Variants in EYS observed in about 807,000 individuals in gnomAD.
The protein encoded by EYS is EGF-like photoreceptor maintenance factor.
Under a neutral mutation model 282.1 loss-of-function variants are expected in EYS, and 250 were observed. The observed-to-expected ratio is 0.89, with a 90% CI of 0.80 to 0.98. The LOEUF is 0.98. Ranked by LOEUF, EYS falls within the 50% of genes least tolerant of loss-of-function variation. The pLI is 0.00. For missense variants in EYS, 4,016 were observed against 3,709.0 expected (o/e 1.08, Z -2.15); for synonymous variants, 1,355 against 1,282.9 (o/e 1.06, Z -1.20).
rs1016167896 is a variant in EYS at position 64,009,561 on chromosome 6, A to G, written c.6726-10378T>C. Among the ~76,000 whole-genome samples the G allele has an allele frequency of 2.0e-5, 3 of 152,238 alleles. No homozygotes were observed. In the East Asian group the frequency reaches 5.8e-4, roughly 29 times the overall value. ...GGCCTCCGAAAGTGCTGGGATTACA[A>G]GCGCGAGCCACTTCTCCCGGCCAGC... On this transcript the variant is annotated intron_variant, in intron 33 of 42. Coordinates refer to ENST00000503581, the MANE Select transcript of EYS (RefSeq NM_001142800.2).
At chr6:63,833,428 C>T (rs1025629587) in intron 36 of EYS, among the ~76,000 whole-genome samples, 1 of 149,682 alleles carries the variant, frequency 6.7e-6, no homozygotes, top group East Asian at 2.0e-4. Flanking sequence ...CAATAAGAAA[C>T]AGCCAAATCA....
At chr6:65,334,799 A>G in intron 11 of EYS, 181 bp downstream of exon 11, 1 of 574,066 alleles carries the variant, frequency 1.7e-6, no homozygotes, top group East Asian at 2.9e-5. Context: ...ATTGTTATAC[A>G]TAACATGTAT....
At chr6:65,008,860 C>G (rs1252580792) in intron 13 of EYS, among the ~76,000 whole-genome samples, 2 of 152,180 alleles carry the variant, frequency 1.3e-5, no homozygotes, top group Admixed American at 6.5e-5. Context: ...CAGTCTTACT[C>G]TCCTGTCTTG....
At chr6:63,851,926 G>T (rs1279513322) in intron 36 of EYS, among the ~76,000 whole-genome samples, 2 of 152,228 alleles carry the variant, frequency 1.3e-5, no homozygotes, top group African/African-American at 4.8e-5. Context: ...GGGAGGCCGA[G>T]GCGGGCAGAT....
chr6:65,214,969 G>GA (rs1766274794), intron 12 of EYS, among the ~76,000 whole-genome samples: 1 of 151,842 alleles, frequency 6.6e-6, no homozygotes, highest in Admixed American at 6.6e-5. Flanking sequence ...CTGCTGGTGA[G>GA]AAAAAAAGAC....
chr6:65,186,631 T>G (rs1315371121), intron 12 of EYS, among the ~76,000 whole-genome samples: 2 of 151,806 alleles, frequency 1.3e-5, no homozygotes, highest in African/African-American at 4.8e-5. Flanking sequence ...CTAAGAATTA[T>G]GGATCATTTC....
At chr6:64,192,456 C>G (rs970686776) in intron 31 of EYS, among the ~76,000 whole-genome samples, 1 of 152,144 alleles carries the variant, frequency 6.6e-6, no homozygotes, top group Non-Finnish European at 1.5e-5. Flanking sequence ...GTAACCAAAA[C>G]AGCATGGTAC....
intron 26 of EYS, among the ~76,000 whole-genome samples, chr6:64,444,745 T>G (rs1326435644): frequency 1.3e-5 from 2 of 152,194 alleles, no homozygotes; most frequent in Non-Finnish European, 2.9e-5. Context: ...TGGAAGGTGT[T>G]TGGATCACTA....
At position 63,721,470 on chromosome 6, in the gene EYS, T is replaced by G. The variant is rs1768387393; in HGVS notation, c.8561A>C (p.Asn2854Thr). 6.4e-7 allele frequency: 1 copy of G among 1,551,468 alleles called. No individual in the cohort carries two copies. Among genetic ancestry groups the G allele is most frequent in the African/African-American group, 1.4e-5 (1 of 73,046 alleles). ...TTCAGTTAATTGTAATTCTTGATTA[T>G]TTATGATAACTTGTCGGATACAGCC... is the stretch of plus-strand genomic sequence containing the variant. ...FQGCIRQVIINNQELQLTEFG... is the reference protein window; with the variant it reads ...FQGCIRQVIITNQELQLTEFG... The change falls in exon 43 of 43, where the codon AAT becomes ACT. Residue 2854 changes from asparagine to threonine, a missense_variant. By Grantham distance (65) the Asn-to-Thr change is moderately conservative. Transcript: ENST00000503581.
chr6:65,541,993 G>A (rs1383697843), intron 2 of EYS, among the ~76,000 whole-genome samples: 2 of 152,104 alleles, frequency 1.3e-5, no homozygotes, highest in Non-Finnish European at 2.9e-5. Flanking sequence ...TTCTAGCATG[G>A]TTGGAAAGCT....
intron 31 of EYS, among the ~76,000 whole-genome samples, chr6:64,087,575 C>T (rs1000698855): frequency 5.3e-5 from 8 of 152,082 alleles, no homozygotes; most frequent in African/African-American, 1.9e-4. Flanking sequence ...CACCTTTGAT[C>T]CCCCTATGGC....
intron 28 of EYS, among the ~76,000 whole-genome samples, chr6:64,394,750 G>C (rs1445819235): frequency 1.3e-5 from 2 of 151,958 alleles, no homozygotes; most frequent in Non-Finnish European, 2.9e-5. Context: ...AACACCAAAA[G>C]CAATGGCAAC....
intron 22 of EYS, among the ~76,000 whole-genome samples, chr6:64,627,851 G>T (rs1427771087): frequency 6.6e-6 from 1 of 152,124 alleles, no homozygotes. Flanking sequence ...AGACCGAGGC[G>T]GGTGGATCAT....
At chr6:64,249,063 C>CCAAAAAAAAAAAAAAAAAAA (rs556152806) in intron 30 of EYS, among the ~76,000 whole-genome samples, 3 of 70,060 alleles carry the variant, frequency 4.3e-5, no homozygotes, top group African/African-American at 2.1e-4. Flanking sequence ...CACCCTGTCT[C>CCAAAAAAAAAAAAAAAAAAA]AAAAAAAAAA....
At chr6:65,065,529 C>A (rs1165163049) in intron 12 of EYS, among the ~76,000 whole-genome samples, 1 of 151,306 alleles carries the variant, frequency 6.6e-6, no homozygotes, top group Non-Finnish European at 1.5e-5. Context: ...ACTACAGGTG[C>A]CCACCACCAC....
At chr6:63,727,093 AT>A (rs1354340050) in intron 41 of EYS, among the ~76,000 whole-genome samples, 3 of 152,132 alleles carry the variant, frequency 2.0e-5, no homozygotes, top group African/African-American at 7.2e-5. Flanking sequence ...CAGCCTCTAT[AT>A]TTCTGATTCA....
chr6:65,165,805 T>A (rs1764958810), intron 12 of EYS, among the ~76,000 whole-genome samples: 1 of 151,064 alleles, frequency 6.6e-6, no homozygotes, highest in East Asian at 2.0e-4. Context: ...TATGACACAA[T>A]TTTCCATATA....
chr6:64,648,450 T>C (rs1359908496), intron 22 of EYS, among the ~76,000 whole-genome samples: 1 of 152,228 alleles, frequency 6.6e-6, no homozygotes, highest in East Asian at 1.9e-4. Flanking sequence ...GAGAGTGTCA[T>C]AGACATAACT....
intron 12 of EYS, among the ~76,000 whole-genome samples, chr6:65,210,356 G>C (rs527423651): frequency 6.6e-6 from 1 of 152,028 alleles, no homozygotes; most frequent in East Asian, 1.9e-4. Flanking sequence ...TTTTCCTTAG[G>C]GGGTTTAAAT....
Sources: gnomAD v4.1 joint callset for allele counts (sites outside exome capture counted in the v4.1 genomes callset) on GRCh38, gnomAD v4.1.1 for gene constraint, MANE v1.5 for transcripts, NCBI Gene and HGNC (gene_info 2026-07-23, HGNC 2026-07-21) for gene names.